The following PLEKHH1 variants were observed in gnomAD, a reference collection of about 807,000 sequenced individuals.
PLEKHH1 encodes pleckstrin homology domain-containing family H member 1.
In PLEKHH1, 104 loss-of-function variants were observed where a neutral mutation model predicts 160.0. The ratio of observed to expected loss-of-function variants is 0.65; its 90% CI spans 0.55 to 0.76. PLEKHH1 has a LOEUF of 0.76. PLEKHH1 is among the 30% of genes least tolerant of loss of function. PLEKHH1 has a pLI of 0.00. For missense variants in PLEKHH1, 1,427 were observed against 1,724.1 expected (o/e 0.83, Z 3.05); for synonymous variants, 619 against 678.4 (o/e 0.91, Z 1.36).
At chr14:67,570,709 T>C (rs1453745073) in intron 9 of PLEKHH1, 1 of 152,210 alleles carries the variant, frequency 6.6e-6, no homozygotes, top group Non-Finnish European at 1.5e-5. Context: ...ACGTGTCAGG[T>C]CATCCTTCCC....
rs200379117 is a variant in PLEKHH1 at position 67,555,855 on chromosome 14, G to A, written c.157G>A (p.Ala53Thr). 1.0e-4 allele frequency: 163 copies of A among 1,613,442 alleles called. No individual in the cohort carries two copies. Among genetic ancestry groups the A allele is most frequent in the Non-Finnish European group, 1.2e-4 (137 of 1,179,638 alleles). ...MQELEQRLLE[A>T]EQRAENAETQ... is the part of the protein sequence containing the mutation. ...GGAGCTGGAGCAGAGGCTGCTGGAG[G>A]CAGAGCAGAGAGCAGAGAACGCTGA... Residue 53 changes from alanine to threonine, a missense_variant, in exon 3 of 29, where the codon GCA becomes ACA. Physicochemically the swap from Ala to Thr is moderately conservative, Grantham distance 58. Around this residue, in one of 6 missense-constraint regions of PLEKHH1, gnomAD observed 831 missense variants for 929.2 expected, o/e 0.89. Transcript: ENST00000329153.
intron 7 of PLEKHH1, among the ~76,000 whole-genome samples, chr14:67,563,211 G>C (rs2034923671): frequency 6.6e-6 from 1 of 152,206 alleles, no homozygotes; most frequent in Non-Finnish European, 1.5e-5. Flanking sequence ...ATGGTCAAGA[G>C]CATAGGCCCC....
intron 2 of PLEKHH1, among the ~76,000 whole-genome samples, chr14:67,550,468 C>T (rs112989029): frequency 1.3e-5 from 2 of 152,196 alleles, no homozygotes; most frequent in South Asian, 2.1e-4. Context: ...GGATTACAGG[C>T]GTGCACCACC....
At chr14:67,567,922 C>T (rs911208306) in intron 7 of PLEKHH1, among the ~76,000 whole-genome samples, 1 of 152,168 alleles carries the variant, frequency 6.6e-6, no homozygotes, top group Non-Finnish European at 1.5e-5. Context: ...TGCAGGGAAC[C>T]CTGTGGGTTG....
intron 7 of PLEKHH1, among the ~76,000 whole-genome samples, chr14:67,568,558 TA>T (rs2035219013): frequency 6.6e-6 from 1 of 152,024 alleles, no homozygotes; most frequent in African/African-American, 2.4e-5. Context: ...TTTACCTACA[TA>T]AAAACCTGCA....
At chr14:67,564,821 TG>T (rs1386543677) in intron 7 of PLEKHH1, among the ~76,000 whole-genome samples, 1 of 151,970 alleles carries the variant, frequency 6.6e-6, no homozygotes, top group Non-Finnish European at 1.5e-5. Flanking sequence ...CCCGAGTAGC[TG>T]GCACTACAGG....
chr14:67,557,247 A>G (rs748087032), intron 3 of PLEKHH1, 22 bp from the exon 4 acceptor site: 16 of 1,610,296 alleles, frequency 9.9e-6, no homozygotes, highest in Non-Finnish European at 1.1e-5. Flanking sequence ...GGAAGACACT[A>G]TGAGATCATT....
chr14:67,562,058 G>T, intron 6 of PLEKHH1, 23 bp downstream of exon 6: 1 of 1,611,516 alleles, frequency 6.2e-7, no homozygotes. Flanking sequence ...GGGTGTGCAG[G>T]TGTGCAGTAC....
intron 7 of PLEKHH1, among the ~76,000 whole-genome samples, chr14:67,567,602 C>G (rs750077391): frequency 6.6e-6 from 1 of 152,220 alleles, no homozygotes; most frequent in South Asian, 2.1e-4. Flanking sequence ...TCCTCACCGC[C>G]CCTCTGTCTC....
intron 2 of PLEKHH1, among the ~76,000 whole-genome samples, chr14:67,547,492 T>G (rs1469538213): frequency 6.6e-6 from 1 of 152,186 alleles, no homozygotes; most frequent in Admixed American, 6.5e-5. Context: ...CCAAGAATCA[T>G]GGCCAGTTGC....
At chr14:67,571,619 A>G (rs949161897) in intron 9 of PLEKHH1, 133 bp from the exon 10 acceptor site, 3 of 793,896 alleles carry the variant, frequency 3.8e-6, no homozygotes, top group Non-Finnish European at 6.3e-6. Context: ...CTTACACTGG[A>G]CAGTTGTCTG....
chr14:67,553,014 C>T (rs1029851327), intron 2 of PLEKHH1, among the ~76,000 whole-genome samples: 5 of 152,208 alleles, frequency 3.3e-5, no homozygotes, highest in African/African-American at 1.2e-4. Context: ...TGACCAATGT[C>T]ATTGACTTAT....
Position 67,578,417 on chromosome 14 carries a change from G to A in PLEKHH1, c.2752-117G>A, listed in dbSNP as rs555385301. The A allele has an allele frequency of 9.7e-5, 82 of 845,008 alleles. No homozygotes were observed. The highest frequency in any genetic ancestry group is 1.4e-4 in the Non-Finnish European group (73 of 518,958). The allele number at this position is 845,008 out of a possible 1,614,324, so 52.3% of individuals were successfully genotyped here. A position where few individuals can be genotyped will look rare whatever the true frequency, so the allele number is the denominator to read the frequency against. ...CAAGTTGGCCATCCCAGCACCCAGAGCAAGTTGGGGGCTCTGGTTTGGGGA... is the reference window on the plus strand; with the variant it reads ...CAAGTTGGCCATCCCAGCACCCAGAACAAGTTGGGGGCTCTGGTTTGGGGA... On this transcript the variant is annotated intron_variant, in intron 19 of 28. Transcript: ENST00000329153. This position sits in a 1 kb window ranked among gnomAD's most constrained non-coding sequence, Gnocchi z 5.0.
At position 67,581,066 on chromosome 14, in the gene PLEKHH1, C is replaced by G. The variant is rs770718903; in HGVS notation, c.3284+28C>G. On this transcript the variant is annotated intron_variant, in intron 23 of 28. Coordinates refer to ENST00000329153, the MANE Select transcript of PLEKHH1 (RefSeq NM_020715.3). ...CCTAAGCACTGCACGAGGGTGGGGC[C>G]AAACACAAGGGCTGCCACTGGGTGC... The G allele has an allele frequency of 2.1e-6, 3 of 1,428,630 alleles. No individual in the cohort carries two copies. The Admixed American group carries it at 5.0e-5, about 24-fold the overall frequency. 88.5% of individuals were successfully genotyped at this position (1,428,630 alleles called of 1,614,324 possible). A position where few individuals can be genotyped will look rare whatever the true frequency, so the allele number is the denominator to read the frequency against.
Position 67,544,150 on chromosome 14 carries a change from G to A in PLEKHH1, c.126+2157G>A, listed in dbSNP as rs559248050. On this transcript the variant is annotated intron_variant, in intron 2 of 28. Coordinates refer to ENST00000329153, the MANE Select transcript of PLEKHH1 (RefSeq NM_020715.3). ...AAAAAATGGTCAGGAATATTAAAGG[G>A]CTTACCCTAAATAACAAGGTAGACA... Among the ~76,000 whole-genome samples, 5 of 152,264 alleles carry A rather than the reference G, an allele frequency of 3.3e-5. No homozygotes were observed. The South Asian group carries it at 1.0e-3, about 32-fold the overall frequency.
intron 2 of PLEKHH1, among the ~76,000 whole-genome samples, chr14:67,543,761 T>C (rs2034066234): frequency 7.4e-6 from 1 of 134,306 alleles, no homozygotes; most frequent in Non-Finnish European, 1.6e-5. Context: ...CTGTTTCTAG[T>C]AATATGGACA....
chr14:67,582,234 G>A lies in PLEKHH1; in HGVS notation c.3426+24G>A, dbSNP rs775778614. ...AGGTAAGGTTCTGTTCAGGAAGCAGGAGGGTCGGGTTGCCAGCTTAGAATG... is the reference window on the plus strand; with the variant it reads ...AGGTAAGGTTCTGTTCAGGAAGCAGAAGGGTCGGGTTGCCAGCTTAGAATG... On this transcript the variant is annotated intron_variant, in intron 24 of 28. Transcript: ENST00000329153. The surrounding 1 kb of genome is among the most constrained non-coding windows in gnomAD (Gnocchi z 5.0). 3 of 1,613,400 alleles carry A rather than the reference G, an allele frequency of 1.9e-6. No homozygotes were observed. Among genetic ancestry groups the A allele is most frequent in the East Asian group, 2.2e-5 (1 of 44,882 alleles).
intron 3 of PLEKHH1, 30 bp downstream of exon 3, chr14:67,555,917 T>C (rs2034574148): frequency 6.2e-7 from 1 of 1,609,426 alleles, no homozygotes; most frequent in Non-Finnish European, 8.5e-7. Context: ...GGCGGGAATA[T>C]GCAGGGGAAT....
In PLEKHH1 at chr14:67,562,810, C is replaced by G. The variant is rs756947970; in HGVS notation, c.1179C>G (p.Ser393Arg). 19 of 1,613,738 alleles carry G rather than the reference C, an allele frequency of 1.2e-5. 1 individual carries two copies. In the South Asian group the frequency reaches 2.0e-4, roughly 17 times the overall value. Residue 393 changes from serine (S) to arginine (R), a missense_variant, in exon 7 of 29, where the codon AGC becomes AGG. Ser to Arg is a moderately radical substitution (Grantham distance 110). Transcript: ENST00000329153. Reference sequence around the variant, plus strand: ...CAGGGAAGAATGAGGAAAGAGAGAGCCCAAAGGCCCTTGGAGCTGAGCTGG... The same window carrying G: ...CAGGGAAGAATGAGGAAAGAGAGAGGCCAAAGGCCCTTGGAGCTGAGCTGG... ...PPAGKNEERE[S>R]PKALGAELEE...
Sources: allele counts gnomAD v4.1 joint callset (sites outside exome capture counted in the v4.1 genomes callset), GRCh38; gene constraint gnomAD v4.1.1; regional missense constraint gnomAD v4.1.1; non-coding constraint Gnocchi (gnomAD v3.1); transcripts MANE v1.5; gene names NCBI Gene and HGNC (gene_info 2026-07-23, HGNC 2026-07-21).